ZNF334: variants seen among roughly 807,000 people sequenced by gnomAD.
The protein encoded by ZNF334 is zinc finger protein 334.
ZNF334 carries 14 observed loss-of-function variants against 12.4 expected under a neutral mutation model. That is an observed-to-expected ratio of 1.13 (90% CI 0.74 to 1.76). The LOEUF (loss-of-function observed/expected upper bound fraction) is 1.76, where lower values mean the gene tolerates loss of function less well. ZNF334 is among the 40% of genes most tolerant of loss of function. The pLI, the probability that ZNF334 is intolerant of heterozygous loss-of-function variation, is 0.00. For missense variants in ZNF334, 797 were observed against 804.5 expected, an observed-to-expected ratio of 0.99 and a Z score of 0.11; for synonymous variants, 273 against 269.6, an observed-to-expected ratio of 1.01 and a Z score of -0.12.
the ZNF334 span, chr20:46,464,668 A>C: frequency 2.3e-6 from 1 of 436,606 alleles, no homozygotes; most frequent in Non-Finnish European, 4.5e-6. Flanking sequence ...CATCTCTCCC[A>C]CTGCAGCCTA....
downstream of ZNF334, among the ~76,000 whole-genome samples, chr20:46,498,182 T>C (rs1354138130): frequency 2.0e-5 from 3 of 152,216 alleles, no homozygotes; most frequent in Non-Finnish European, 2.9e-5. Flanking sequence ...CTCTGGTAGC[T>C]AGCCTGTGAG....
intron 1 of ZNF334, among the ~76,000 whole-genome samples, 197 bp downstream of exon 1, chr20:46,512,343 T>C (rs1411729969): frequency 1.3e-5 from 2 of 152,212 alleles, no homozygotes; most frequent in Non-Finnish European, 2.9e-5. Flanking sequence ...TGAGTGAGTG[T>C]CAACAAATGT....
chr20:46,465,359 A>G, the ZNF334 span: 3 of 154,420 alleles, frequency 1.9e-5, no homozygotes, highest in Non-Finnish European at 4.3e-5. Context: ...TTTTATATCA[A>G]TTGTTTCTTT....
the ZNF334 span, among the ~76,000 whole-genome samples, chr20:46,478,919 C>A: frequency 1.3e-4 from 20 of 152,248 alleles, no homozygotes; most frequent in Admixed American, 5.9e-4. Flanking sequence ...TGCAAGTGAG[C>A]ATCTGGGCCC....
chr20:46,478,724 T>C, the ZNF334 span, among the ~76,000 whole-genome samples: 464 of 152,318 alleles, frequency 3.0e-3, 3 homozygotes, highest in African/African-American at 0.01. Context: ...TTGGTTTACA[T>C]AGTCTTTGTG....
chr20:46,499,867 T>C lies in ZNF334; in HGVS notation c.*1429A>G, dbSNP rs1477249680. 2 of 152,134 alleles carry C rather than the reference T, an allele frequency of 1.3e-5. No individual in the cohort carries two copies. Among genetic ancestry groups the C allele is most frequent in the Non-Finnish European group, 2.9e-5 (2 of 68,004 alleles). 9.4% of individuals were successfully genotyped at this position (152,134 alleles called of 1,614,324 possible). ...CTGAAGGACATAAAAACTGAATAAA[T>C]AGATAAATCATGTTCATATTGGGTT... On this transcript the variant is annotated 3_prime_UTR_variant, in exon 5 of 5. Transcript: ENST00000692313.
the ZNF334 span, among the ~76,000 whole-genome samples, chr20:46,486,963 T>C: frequency 3.9e-5 from 6 of 152,184 alleles, no homozygotes; most frequent in Non-Finnish European, 7.3e-5. Context: ...TCTTTGCTCA[T>C]TTTCTAATTT....
At chr20:46,464,682 G>GC in the ZNF334 span, 1 of 426,764 alleles carries the variant, frequency 2.3e-6, no homozygotes, top group Non-Finnish European at 4.5e-6. Flanking sequence ...CAGCCTAGGG[G>GC]CAAAGCAGCT....
At chr20:46,485,768 T>C in the ZNF334 span, 1 of 152,206 alleles carries the variant, frequency 6.6e-6, no homozygotes, top group African/African-American at 2.4e-5. Context: ...ATTTAAGCTA[T>C]GGGCATTTTG....
the ZNF334 span, chr20:46,492,952 G>A: frequency 2.0e-5 from 3 of 152,118 alleles, no homozygotes; most frequent in Admixed American, 2.0e-4. Flanking sequence ...GCAGGGCGTG[G>A]TGGTGCACAC....
At chr20:46,496,147 CTA>C (rs1423547165), downstream of ZNF334, among the ~76,000 whole-genome samples, 4 of 152,124 alleles carry the variant, frequency 2.6e-5, no homozygotes, top group African/African-American at 9.7e-5. Flanking sequence ...AATTGTTCAC[CTA>C]TATGTCAAGC....
At position 46,502,318 on chromosome 20, in the gene ZNF334, T is replaced by C; in HGVS notation, c.1021A>G (p.Arg341Gly). The C allele has an allele frequency of 6.2e-7, 1 of 1,614,178 alleles. No individual in the cohort carries two copies. The highest frequency in any genetic ancestry group is 1.3e-5 in the African/African-American group (1 of 75,074). ...TAAGGCTTCTCCCCTGTGTGTGACC[T>C]GAAATGTTCAGCCAGGGCTGACTTC... ...FRKSALAEHF[R>G]SHTGEKPYEC... is the part of the protein sequence containing the mutation. Residue 341 changes from arginine to glycine, a missense_variant, in exon 5 of 5, where the codon AGG becomes GGG. By Grantham distance (125) the Arg-to-Gly change is moderately radical. Coordinates refer to ENST00000692313, the MANE Select transcript of ZNF334 (RefSeq NM_001353824.2).
chr20:46,511,075 G>T (rs966738947), intron 2 of ZNF334, among the ~76,000 whole-genome samples: 8 of 152,006 alleles, frequency 5.3e-5, no homozygotes, highest in Admixed American at 1.3e-4. Context: ...TGAAACAAAA[G>T]ATTGTATAAA....
At chr20:46,464,489 G>A in the ZNF334 span, 36 of 510,040 alleles carry the variant, frequency 7.1e-5, no homozygotes, top group East Asian at 1.3e-3. Context: ...CCCACACATC[G>A]TATCCTTGCT....
chr20:46,499,034 C>T (rs1050687320), downstream of ZNF334, among the ~76,000 whole-genome samples: 87 of 151,406 alleles, frequency 5.7e-4, 1 homozygote, highest in Non-Finnish European at 2.5e-4. Context: ...ATTAGCCGGG[C>T]GTAGTGGCGG....
At chr20:46,483,647 T>G in the ZNF334 span, among the ~76,000 whole-genome samples, 2 of 152,214 alleles carry the variant, frequency 1.3e-5, no homozygotes, top group Non-Finnish European at 2.9e-5. Context: ...CAGGTCATCT[T>G]TTTTAGGCAG....
the ZNF334 span, chr20:46,480,991 C>G: frequency 1.3e-5 from 2 of 152,272 alleles, no homozygotes; most frequent in African/African-American, 4.8e-5. Flanking sequence ...AAGGTTGGTA[C>G]GCTGTTATGG....
At chr20:46,481,521 T>C in the ZNF334 span, among the ~76,000 whole-genome samples, 9 of 152,368 alleles carry the variant, frequency 5.9e-5, no homozygotes, top group Non-Finnish European at 1.3e-4. Context: ...TGAAAACTTT[T>C]AAGCTGAAGA....
intron 2 of ZNF334, chr20:46,505,811 T>C (rs2061410696): frequency 6.5e-6 from 1 of 153,520 alleles, no homozygotes; most frequent in Middle Eastern, 3.4e-3. Flanking sequence ...AAGAAAACAT[T>C]TGCTGTCCCC....
Sources: allele counts gnomAD v4.1 joint callset (sites outside exome capture counted in the v4.1 genomes callset), GRCh38; gene constraint gnomAD v4.1.1; transcripts MANE v1.5; gene names NCBI Gene and HGNC (gene_info 2026-07-23, HGNC 2026-07-21).